The following CEP83 variants were observed in gnomAD, a reference collection of about 807,000 sequenced individuals.
CEP83 encodes centrosomal protein 83, also known as centrosomal protein of 83 kDa.
Under a neutral mutation model 101.9 loss-of-function variants are expected in CEP83, and 70 were observed. The observed-to-expected ratio is 0.69, with a 90% CI of 0.57 to 0.84. CEP83 has a LOEUF of 0.84. CEP83 is among the 40% of genes least tolerant of loss of function. The pLI is 0.00. For missense variants in CEP83, 715 were observed against 787.2 expected, an observed-to-expected ratio of 0.91 and a Z score of 1.10; for synonymous variants, 264 against 267.9, an observed-to-expected ratio of 0.99 and a Z score of 0.14.
At chr12:94,312,625 G>A (rs568060890) in intron 15 of CEP83, 195 of 985,314 alleles carry the variant, frequency 2.0e-4, no homozygotes, top group African/African-American at 9.4e-4. Context: ...AGCTACAACT[G>A]TCTTGTACAG....
the CEP83 span, chr12:94,301,043 C>T: frequency 6.2e-7 from 1 of 1,613,732 alleles, no homozygotes; most frequent in Non-Finnish European, 8.5e-7. Context: ...TCTCACAGAG[C>T]AGCAACTAGG....
At chr12:94,452,552 A>G (rs2067336271) in intron 1 of CEP83, among the ~76,000 whole-genome samples, 1 of 152,194 alleles carries the variant, frequency 6.6e-6, no homozygotes, top group Admixed American at 6.5e-5. Context: ...ATGTGAGATA[A>G]TACAATTTCC....
the CEP83 span, among the ~76,000 whole-genome samples, chr12:94,278,465 G>A: frequency 1.3e-5 from 2 of 152,148 alleles, no homozygotes; most frequent in East Asian, 1.9e-4. Flanking sequence ...GTTTTCACAC[G>A]TGCACAAAGG....
intron 2 of CEP83, among the ~76,000 whole-genome samples, chr12:94,414,551 C>G (rs2064132538): frequency 6.6e-6 from 1 of 152,176 alleles, no homozygotes; most frequent in African/African-American, 2.4e-5. Flanking sequence ...AAGGTATCTA[C>G]ATTTTAAAGA....
chr12:94,427,133 G>T (rs957813542), intron 2 of CEP83, among the ~76,000 whole-genome samples: 3 of 152,048 alleles, frequency 2.0e-5, no homozygotes, highest in African/African-American at 7.2e-5. Flanking sequence ...TCCTACCATG[G>T]TTAGACTTCT....
chr12:94,301,147 G>T, the CEP83 span: 1 of 1,146,258 alleles, frequency 8.7e-7, no homozygotes, highest in Non-Finnish European at 1.3e-6. Context: ...TAAACAATTG[G>T]TCTAAACTAC....
the CEP83 span, among the ~76,000 whole-genome samples, chr12:94,271,665 A>G: frequency 1.3e-5 from 2 of 152,162 alleles, no homozygotes; most frequent in African/African-American, 4.8e-5. Flanking sequence ...GCCCTCGCAT[A>G]TTTGTGGTGA....
At chr12:94,276,114 T>C in the CEP83 span, among the ~76,000 whole-genome samples, 3 of 152,170 alleles carry the variant, frequency 2.0e-5, no homozygotes, top group African/African-American at 7.2e-5. Context: ...CATAAAAAAG[T>C]GTTTTTGTTA....
intron 12 of CEP83, 93 bp from the exon 13 acceptor site, chr12:94,333,732 A>G (rs1432807419): frequency 8.2e-7 from 1 of 1,219,080 alleles, no homozygotes; most frequent in Non-Finnish European, 1.2e-6. Context: ...CTCCCTTTGC[A>G]AATGCTCCCT....
chr12:94,325,174 TC>T, intron 14 of CEP83, among the ~76,000 whole-genome samples: 1 of 143,730 alleles, frequency 7.0e-6, no homozygotes. Flanking sequence ...CAATTTTCTC[TC>T]CCTTTTTTTT....
chr12:94,403,880 TA>T (rs11341038), intron 4 of CEP83, among the ~76,000 whole-genome samples: 79,032 of 139,752 alleles, frequency 0.57, 21,540 homozygotes, highest in Admixed American at 0.6. Context: ...ATACTAGTTG[TA>T]AAAAAAAAAA....
At chr12:94,433,576 G>C (rs1281733659) in intron 2 of CEP83, among the ~76,000 whole-genome samples, 1 of 151,922 alleles carries the variant, frequency 6.6e-6, no homozygotes, top group East Asian at 1.9e-4. Flanking sequence ...AGCTACTCAG[G>C]TGGCTGAGGT....
At chr12:94,377,674 CAAAT>C (rs2061622862) in intron 7 of CEP83, among the ~76,000 whole-genome samples, 2 of 152,164 alleles carry the variant, frequency 1.3e-5, no homozygotes, top group African/African-American at 4.8e-5. Context: ...GAAAATGTCA[CAAAT>C]AAATCTTCTG....
intron 3 of CEP83, among the ~76,000 whole-genome samples, 189 bp downstream of exon 3, chr12:94,412,129 C>T (rs1481830464): frequency 1.3e-5 from 2 of 152,062 alleles, no homozygotes; most frequent in Non-Finnish European, 2.9e-5. Context: ...AAATTCATAA[C>T]CCACTTGATA....
intron 14 of CEP83, among the ~76,000 whole-genome samples, chr12:94,329,334 A>G (rs2059111008): frequency 6.6e-6 from 1 of 151,950 alleles, no homozygotes. Flanking sequence ...TGGTGCCATC[A>G]CAGCTCTTTG....
chr12:94,345,210 CAA>C (rs1434308391), intron 11 of CEP83, among the ~76,000 whole-genome samples: 4 of 152,030 alleles, frequency 2.6e-5, no homozygotes, highest in African/African-American at 9.7e-5. Context: ...CAGAATTAGG[CAA>C]AGACTTCTTG....
rs373398027 is a variant in CEP83 at position 94,310,040 on chromosome 12, T to G, written c.1879A>C (p.Asn627His). 1.4e-5 allele frequency: 23 copies of G among 1,606,854 alleles called. No individual in the cohort carries two copies. The highest frequency in any genetic ancestry group is 2.0e-5 in the Non-Finnish European group (23 of 1,173,762). ...KRLKDIQRRH[N>H]EFRSLILVPN... The stretch of plus-strand genomic sequence containing the variant: ...ACCAAAATTAGACTTCGAAATTCAT[T>G]ATGTCTTCTCTGTATATCTTTTAGT... The change falls in exon 16 of 17, where the codon AAT (asparagine) becomes CAT (histidine). Residue 627 changes from asparagine (N) to histidine (H), a missense_variant. Physicochemically the swap from Asn to His is moderately conservative, Grantham distance 68. Transcript: ENST00000397809.
chr12:94,355,692 C>A (rs1046309795), intron 11 of CEP83, among the ~76,000 whole-genome samples: 1 of 152,190 alleles, frequency 6.6e-6, no homozygotes, highest in East Asian at 1.9e-4. Context: ...AATGTCCAAG[C>A]TGGAAGGTTG....
At chr12:94,269,528 A>G in the CEP83 span, among the ~76,000 whole-genome samples, 2 of 152,306 alleles carry the variant, frequency 1.3e-5, no homozygotes, top group South Asian at 2.1e-4. Context: ...TCTGCCTACC[A>G]GTGCTGGCTG....
Sources: allele counts gnomAD v4.1 joint callset (sites outside exome capture counted in the v4.1 genomes callset), GRCh38; gene constraint gnomAD v4.1.1; transcripts MANE v1.5; gene names NCBI Gene and HGNC (gene_info 2026-07-23, HGNC 2026-07-21).